Variants in MRPS6 observed in about 807,000 individuals in gnomAD.
MRPS6 encodes mitochondrial ribosomal protein S6, also known as small ribosomal subunit protein bS6m.
Under a neutral mutation model 13.1 loss-of-function variants are expected in MRPS6, and 6 were observed. That is an observed-to-expected ratio of 0.46 (90% CI 0.25 to 0.91). MRPS6 has a LOEUF of 0.91. Among genes scored for constraint, MRPS6 ranks in the 40% least tolerant of loss-of-function variants. MRPS6 has a pLI of 0.18. For missense variants in MRPS6, 164 were observed against 155.6 expected (o/e 1.05, Z -0.29); for synonymous variants, 61 against 56.5 (o/e 1.08, Z -0.36).
At position 34,096,976 on chromosome 21, in the gene MRPS6, A is replaced by G. The variant is rs1978993069; in HGVS notation, c.45+23231A>G. 2 of 1,614,082 alleles carry G rather than the reference A, an allele frequency of 1.2e-6. No homozygotes were observed. The highest frequency in any genetic ancestry group is 1.7e-6 in the Non-Finnish European group (2 of 1,179,960). On this transcript the variant is annotated intron_variant, in intron 1 of 2. Coordinates refer to ENST00000399312, the MANE Select transcript of MRPS6 (RefSeq NM_032476.4). This position sits in a 1 kb window ranked among gnomAD's most constrained non-coding sequence, Gnocchi z 5.9. ...ATCATTCCCAACGGGAAATCTGAAG[A>G]CAGCATTAAGGGCCTTCAGCCTGAA...
chr21:34,135,827 A>C (rs144757381), intron 2 of MRPS6: 532 of 552,870 alleles, frequency 9.6e-4, no homozygotes, highest in Non-Finnish European at 1.6e-3. Context: ...ATTATCATGG[A>C]GTTAGTGAGG....
At chr21:34,091,650 T>C (rs181048396) in intron 1 of MRPS6, among the ~76,000 whole-genome samples, 67 of 152,354 alleles carry the variant, frequency 4.4e-4, no homozygotes, top group Admixed American at 4.1e-3. Flanking sequence ...TTTATCCAGA[T>C]GCGTGGAATA....
chr21:34,080,295 C>A lies in MRPS6; in HGVS notation c.45+6550C>A, dbSNP rs796080967. 1.8e-4 allele frequency among the ~76,000 whole-genome samples: 27 copies of A among 152,336 alleles called. 1 individual carries two copies. Among genetic ancestry groups the A allele is most frequent in the African/African-American group, 6.5e-4 (27 of 41,584 alleles). On this transcript the variant is annotated intron_variant, in intron 1 of 2. Coordinates refer to ENST00000399312, the MANE Select transcript of MRPS6 (RefSeq NM_032476.4). ...ACTGCATACTTCTCATTTTCAAATA[C>A]ATGCAGGATGAAGTCACATCCAAGG...
chr21:34,094,248 G>A (rs2148658810), intron 1 of MRPS6, among the ~76,000 whole-genome samples: 1 of 152,236 alleles, frequency 6.6e-6, no homozygotes, highest in African/African-American at 2.4e-5. Flanking sequence ...CGTCTCACAA[G>A]ATCTAGGTTA....
intron 2 of MRPS6, among the ~76,000 whole-genome samples, chr21:34,128,552 T>TA (rs1370551776): frequency 2.0e-5 from 3 of 152,188 alleles, no homozygotes; most frequent in African/African-American, 7.2e-5. Context: ...ATGCCAAAAA[T>TA]AAAAATATAG....
At chr21:34,088,814 T>A (rs1978531184) in intron 1 of MRPS6, among the ~76,000 whole-genome samples, 1 of 152,148 alleles carries the variant, frequency 6.6e-6, no homozygotes, top group Admixed American at 6.5e-5. Flanking sequence ...ATTAAAGTAA[T>A]GCACATAAAA....
At chr21:34,104,892 T>C (rs1979407650) in intron 1 of MRPS6, 9 of 1,000,256 alleles carry the variant, frequency 9.0e-6, no homozygotes, top group Non-Finnish European at 9.6e-6. Context: ...GAGATTTCTT[T>C]GGCAGAAATG....
At chr21:34,135,008 CT>C (rs577293070) in intron 2 of MRPS6, among the ~76,000 whole-genome samples, 3 of 151,362 alleles carry the variant, frequency 2.0e-5, no homozygotes, top group African/African-American at 7.3e-5. Context: ...TGAGGAACAT[CT>C]TTTTTTTTAG....
intron 1 of MRPS6, among the ~76,000 whole-genome samples, chr21:34,076,367 G>C (rs1311792744): frequency 6.6e-6 from 1 of 152,130 alleles, no homozygotes; most frequent in Non-Finnish European, 1.5e-5. Context: ...GGCTGTCACA[G>C]TATCTGGATT....
At chr21:34,076,173 A>T (rs1989326081) in intron 1 of MRPS6, among the ~76,000 whole-genome samples, 1 of 152,242 alleles carries the variant, frequency 6.6e-6, no homozygotes, top group Non-Finnish European at 1.5e-5. Flanking sequence ...ATAGTTTTCC[A>T]GCCTTTGGAC....
At chr21:34,106,002 A>G (rs941950866) in intron 1 of MRPS6, 41 of 995,444 alleles carry the variant, frequency 4.1e-5, no homozygotes, top group Non-Finnish European at 5.0e-5. Flanking sequence ...TATTGTTTAA[A>G]AAATGAAAAA....
intron 1 of MRPS6, among the ~76,000 whole-genome samples, chr21:34,084,701 G>A (rs949199089): frequency 3.3e-5 from 5 of 152,106 alleles, no homozygotes; most frequent in Admixed American, 2.0e-4. Flanking sequence ...CATACGTAAT[G>A]GTAAATACAG....
At chr21:34,075,777 C>A (rs1023008268) in intron 1 of MRPS6, among the ~76,000 whole-genome samples, 1 of 152,152 alleles carries the variant, frequency 6.6e-6, no homozygotes. Flanking sequence ...ACAAAGACTT[C>A]CAGGTTTTAG....
At chr21:34,117,610 A>G (rs959187182) in intron 1 of MRPS6, among the ~76,000 whole-genome samples, 23 of 152,286 alleles carry the variant, frequency 1.5e-4, no homozygotes, top group Non-Finnish European at 4.4e-5. Flanking sequence ...CAGCTTGGAC[A>G]TACTTGTCTT....
chr21:34,108,935 C>T (rs1443263768), intron 1 of MRPS6, among the ~76,000 whole-genome samples: 1 of 152,138 alleles, frequency 6.6e-6, no homozygotes, highest in Non-Finnish European at 1.5e-5. Context: ...CCTGCTCTCT[C>T]CTGCTTAGAG....
intron 1 of MRPS6, chr21:34,101,012 G>A (rs1251128000): frequency 1.0e-6 from 1 of 1,000,018 alleles, no homozygotes; most frequent in Non-Finnish European, 1.2e-6. Flanking sequence ...GATCACATGG[G>A]TCGTTGGTGG....
chr21:34,097,414 A>AG, intron 1 of MRPS6: 2 of 1,357,820 alleles, frequency 1.5e-6, no homozygotes, highest in Non-Finnish European at 9.4e-7. Flanking sequence ...TTGGGGAAAA[A>AG]AGTTATGTAA....
chr21:34,084,593 T>C (rs555628766), intron 1 of MRPS6, among the ~76,000 whole-genome samples: 3 of 152,282 alleles, frequency 2.0e-5, no homozygotes, highest in African/African-American at 7.2e-5. Flanking sequence ...CACACACACA[T>C]ATGTACAATT....
intron 1 of MRPS6, chr21:34,102,531 A>G (rs1321271779): frequency 1.0e-6 from 1 of 999,832 alleles, no homozygotes; most frequent in Non-Finnish European, 1.2e-6. Flanking sequence ...GTATATCTGT[A>G]TCATTGCTAA....
Sources: allele counts gnomAD v4.1 joint callset (sites outside exome capture counted in the v4.1 genomes callset), GRCh38; gene constraint gnomAD v4.1.1; non-coding constraint Gnocchi (gnomAD v3.1); transcripts MANE v1.5; gene names NCBI Gene and HGNC (gene_info 2026-07-23, HGNC 2026-07-21).